The following FAM240B variants were observed in gnomAD, a reference collection of about 807,000 sequenced individuals.
The protein encoded by FAM240B is family with sequence similarity 240 member B.
intron 1 of FAM240B, among the ~76,000 whole-genome samples, chr9:38,707,624 AACAAAAAAAAAAC>A (rs1400045709): frequency 1.4e-5 from 2 of 140,612 alleles, no homozygotes; most frequent in South Asian, 2.1e-4. Flanking sequence ...AAAAAAAAAA[AACAAAAAAAAAAC>A]CAAAAAATTA....
chr9:38,718,583 T>C (rs530511551), intron 1 of FAM240B, among the ~76,000 whole-genome samples: 2 of 152,350 alleles, frequency 1.3e-5, no homozygotes, highest in East Asian at 3.9e-4. Context: ...CGTGCTGAAT[T>C]AATGAATTGA....
chr9:38,711,903 G>A lies in FAM240B; in HGVS notation c.-3-7901C>T, dbSNP rs113325130. On this transcript the variant is annotated intron_variant, in intron 1 of 2. Coordinates refer to ENST00000637493, the MANE Select transcript of FAM240B (RefSeq NM_001394922.1). Reference sequence around the variant, plus strand: ...GAACTCCTGACCTCGTGATCCGCCCGTCTCGGCCTCCCAAAGTGCTGGGAT... The same window carrying A: ...GAACTCCTGACCTCGTGATCCGCCCATCTCGGCCTCCCAAAGTGCTGGGAT... Among the ~76,000 whole-genome samples the A allele has an allele frequency of 6.7e-3, 1,013 of 152,080 alleles. 15 individuals carry two copies. Among genetic ancestry groups the A allele is most frequent in the African/African-American group, 0.023 (957 of 41,492 alleles).
chr9:38,711,027 C>T (rs1054050911), intron 1 of FAM240B, among the ~76,000 whole-genome samples: 2 of 152,114 alleles, frequency 1.3e-5, no homozygotes, highest in African/African-American at 4.8e-5. Flanking sequence ...AGCTGGATAC[C>T]GAGAAAGCAG....
chr9:38,710,589 C>G (rs1410876405), intron 1 of FAM240B, among the ~76,000 whole-genome samples: 1 of 152,106 alleles, frequency 6.6e-6, no homozygotes. Context: ...AAAGTATAGG[C>G]AGTGGGGGGA....
intron 1 of FAM240B, among the ~76,000 whole-genome samples, chr9:38,712,790 A>T (rs886119722): frequency 1.3e-5 from 2 of 152,148 alleles, no homozygotes; most frequent in Non-Finnish European, 2.9e-5. Flanking sequence ...ACAAGAAGCC[A>T]GGGGTAATAA....
intron 2 of FAM240B, among the ~76,000 whole-genome samples, chr9:38,699,292 G>A (rs1396327934): frequency 6.6e-6 from 1 of 152,164 alleles, no homozygotes; most frequent in Non-Finnish European, 1.5e-5. Context: ...AGTGGGTGAG[G>A]ACAACTGGAT....
intron 1 of FAM240B, among the ~76,000 whole-genome samples, chr9:38,710,385 G>A (rs993799439): frequency 2.6e-5 from 4 of 152,168 alleles, no homozygotes; most frequent in Non-Finnish European, 5.9e-5. Flanking sequence ...TCAAAAAGCA[G>A]GAGCAGGAAA....
intron 2 of FAM240B, among the ~76,000 whole-genome samples, chr9:38,699,177 T>C (rs1469646775): frequency 1.3e-5 from 2 of 152,222 alleles, no homozygotes; most frequent in African/African-American, 4.8e-5. Context: ...GGAGGAGTTG[T>C]TAATTCCTAG....
intron 1 of FAM240B, 105 bp from the exon 2 acceptor site, chr9:38,704,107 GTTTTT>G (rs5897747): frequency 1.7e-4 from 54 of 317,392 alleles, no homozygotes; most frequent in Non-Finnish European, 1.9e-4. Flanking sequence ...ATTTACACTT[GTTTTT>G]TTTTTTTTTT....
chr9:38,703,152 G>T (rs1821149673), intron 2 of FAM240B, among the ~76,000 whole-genome samples: 1 of 152,114 alleles, frequency 6.6e-6, no homozygotes, highest in Non-Finnish European at 1.5e-5. Flanking sequence ...AAAAACCCTG[G>T]TATACTCTCA....
In FAM240B at chr9:38,717,747, T is replaced by G. The variant is rs574785371; in HGVS notation, c.-4+2275A>C. Among the ~76,000 whole-genome samples, 11 of 152,138 alleles carry G rather than the reference T, an allele frequency of 7.2e-5. No homozygotes were observed. In the East Asian group the frequency reaches 1.2e-3, roughly 16 times the overall value. ...TCCGCCCGCCTCGGCCTCCCAAAGTTCTGGGATTACAAGCGTGAGCCACTG... is the reference window on the plus strand; with the variant it reads ...TCCGCCCGCCTCGGCCTCCCAAAGTGCTGGGATTACAAGCGTGAGCCACTG... On this transcript the variant is annotated intron_variant, in intron 1 of 2. Transcript: ENST00000637493.
At chr9:38,717,993 T>C (rs1284398484) in intron 1 of FAM240B, among the ~76,000 whole-genome samples, 1 of 152,234 alleles carries the variant, frequency 6.6e-6, no homozygotes, top group Non-Finnish European at 1.5e-5. Context: ...ATTTCCATCT[T>C]ATTGGAAGCA....
At chr9:38,697,349 G>T (rs144363353) in intron 2 of FAM240B, among the ~76,000 whole-genome samples, 44 of 152,316 alleles carry the variant, frequency 2.9e-4, no homozygotes, top group African/African-American at 9.6e-4. Context: ...GCAAACTGCA[G>T]AACTTCTTTA....
At chr9:38,707,391 C>T (rs1180792234) in intron 1 of FAM240B, among the ~76,000 whole-genome samples, 1 of 152,044 alleles carries the variant, frequency 6.6e-6, no homozygotes, top group Non-Finnish European at 1.5e-5. Flanking sequence ...CTAGCAGATA[C>T]TGTAGCTGCA....
At chr9:38,711,022 G>C (rs937089677) in intron 1 of FAM240B, among the ~76,000 whole-genome samples, 3 of 152,106 alleles carry the variant, frequency 2.0e-5, no homozygotes, top group African/African-American at 7.2e-5. Context: ...ACAACAGCTG[G>C]ATACCGAGAA....
intron 2 of FAM240B, among the ~76,000 whole-genome samples, chr9:38,699,465 G>A (rs1192113710): frequency 6.6e-6 from 1 of 152,208 alleles, no homozygotes; most frequent in African/African-American, 2.4e-5. Flanking sequence ...TCTGACATCT[G>A]TGAAAAGAGA....
intron 1 of FAM240B, among the ~76,000 whole-genome samples, chr9:38,714,561 G>A (rs1344757408): frequency 1.3e-5 from 2 of 152,184 alleles, no homozygotes; most frequent in African/African-American, 2.4e-5. Context: ...CCTTAAATAA[G>A]TGTGGTTAAG....
chr9:38,712,412 T>A (rs4878220), intron 1 of FAM240B, among the ~76,000 whole-genome samples: 89,193 of 152,128 alleles, frequency 0.59, 26,371 homozygotes, highest in South Asian at 0.62. Context: ...CTGCTCAATA[T>A]TAAATGTGTC....
At chr9:38,699,966 C>T (rs1787927068) in intron 2 of FAM240B, among the ~76,000 whole-genome samples, 2 of 152,108 alleles carry the variant, frequency 1.3e-5, no homozygotes, top group Non-Finnish European at 2.9e-5. Context: ...GGAAGCATGC[C>T]TTGACAATTG....
Sources: gnomAD v4.1 joint callset for allele counts (sites outside exome capture counted in the v4.1 genomes callset) on GRCh38, gnomAD v4.1.1 for gene constraint, MANE v1.5 for transcripts, NCBI Gene and HGNC (gene_info 2026-07-23, HGNC 2026-07-21) for gene names.